PLEKHA6: variants seen among roughly 807,000 people sequenced by gnomAD.
PLEKHA6 encodes pleckstrin homology domain containing A6, also known as pleckstrin homology domain-containing family A member 6.
Under a neutral mutation model 116.7 loss-of-function variants are expected in PLEKHA6, and 60 were observed. The ratio of observed to expected loss-of-function variants is 0.51; its 90% CI spans 0.42 to 0.64. The LOEUF (loss-of-function observed/expected upper bound fraction) is 0.64. Ranked by LOEUF, PLEKHA6 falls within the 30% of genes least tolerant of loss-of-function variation. The pLI is 0.00. For synonymous variants in PLEKHA6, 489 were observed against 556.1 expected, an observed-to-expected ratio of 0.88 and a Z score of 1.70; for missense variants, 1,338 against 1,422.7, an observed-to-expected ratio of 0.94 and a Z score of 0.96.
At chr1:204,323,610 C>T (rs1186057157) in intron 1 of PLEKHA6, among the ~76,000 whole-genome samples, 1 of 152,224 alleles carries the variant, frequency 6.6e-6, no homozygotes, top group Non-Finnish European at 1.5e-5. Flanking sequence ...GCTTGTGTAA[C>T]TGGAAAGCTT....
chr1:204,244,847 T>C lies in PLEKHA6; in HGVS notation c.2172+17A>G. 6.4e-7 allele frequency: 1 copy of C among 1,553,514 alleles called. No individual in the cohort carries two copies. On this transcript the variant is annotated intron_variant, in intron 15 of 22. Transcript: ENST00000272203. ...CCTCCCTCCCCCACCTACCTTCTACTCCATTTCTCAACTTACCTCGTTGGA... is the reference window on the plus strand; with the variant it reads ...CCTCCCTCCCCCACCTACCTTCTACCCCATTTCTCAACTTACCTCGTTGGA...
At chr1:204,248,432 G>A (rs1664081178) in intron 12 of PLEKHA6, among the ~76,000 whole-genome samples, 2 of 152,140 alleles carry the variant, frequency 1.3e-5, no homozygotes, top group Non-Finnish European at 2.9e-5. Context: ...GGGATTATAG[G>A]CGTGAGCCAC....
intron 1 of PLEKHA6, among the ~76,000 whole-genome samples, chr1:204,310,852 G>A (rs1465968629): frequency 6.6e-6 from 1 of 152,182 alleles, no homozygotes; most frequent in Non-Finnish European, 1.5e-5. Flanking sequence ...TCATAGTAAA[G>A]GACATTTAGG....
At chr1:204,343,954 G>A (rs1361497863) in intron 1 of PLEKHA6, among the ~76,000 whole-genome samples, 1 of 152,158 alleles carries the variant, frequency 6.6e-6, no homozygotes, top group African/African-American at 2.4e-5. Flanking sequence ...CCTGATTTTG[G>A]TGTGTGTGAT....
chr1:204,367,633 C>T (rs964335332), intron 3 of PLEKHA6, among the ~76,000 whole-genome samples: 2 of 152,176 alleles, frequency 1.3e-5, no homozygotes, highest in Non-Finnish European at 2.9e-5. Flanking sequence ...CTGATACATA[C>T]GTTCCCATCT....
At chr1:204,282,389 C>T (rs1007493743) in intron 1 of PLEKHA6, among the ~76,000 whole-genome samples, 2 of 152,154 alleles carry the variant, frequency 1.3e-5, no homozygotes, top group African/African-American at 2.4e-5. Context: ...GAGTAGATAG[C>T]ATAACTCTGC....
At chr1:204,293,202 T>G (rs1011866948) in intron 1 of PLEKHA6, among the ~76,000 whole-genome samples, 28 of 152,322 alleles carry the variant, frequency 1.8e-4, no homozygotes, top group Admixed American at 1.4e-3. Context: ...TGGCGCGATC[T>G]TGGCTCATTG....
chr1:204,256,653 A>T lies in PLEKHA6; in HGVS notation c.1524+700T>A. Reference sequence around the variant, plus strand: ...TACTGGGGCTAGAGTCCTGGCTGGGAGGGAGGAGGTATCCAGAGGCTGCTA... The same window carrying T: ...TACTGGGGCTAGAGTCCTGGCTGGGTGGGAGGAGGTATCCAGAGGCTGCTA... On this transcript the variant is annotated intron_variant, in intron 9 of 22. Transcript: ENST00000272203. 5 of 420,552 alleles carry T rather than the reference A, an allele frequency of 1.2e-5. No homozygotes were observed. In the Admixed American group the frequency reaches 1.7e-4, roughly 14 times the overall value. The allele number at this position is 420,552 out of a possible 1,614,324, so 26.1% of individuals were successfully genotyped here. A position where few individuals can be genotyped will look rare whatever the true frequency, so the allele number is the denominator to read the frequency against.
chr1:204,264,108 G>A (rs2102814792), intron 6 of PLEKHA6, among the ~76,000 whole-genome samples: 1 of 152,282 alleles, frequency 6.6e-6, no homozygotes, highest in East Asian at 1.9e-4. Context: ...GACAGCAATT[G>A]TCAATTAGGG....
At chr1:204,321,498 C>T (rs940627942) in intron 1 of PLEKHA6, among the ~76,000 whole-genome samples, 7 of 151,334 alleles carry the variant, frequency 4.6e-5, no homozygotes, top group South Asian at 2.1e-4. Context: ...CTAGTTCCGG[C>T]GCCCATGCTT....
chr1:204,373,446 C>G (rs191462790), intron 1 of PLEKHA6, among the ~76,000 whole-genome samples: 1 of 152,236 alleles, frequency 6.6e-6, no homozygotes, highest in Admixed American at 6.5e-5. Flanking sequence ...TTACAAACTC[C>G]TGACCTCAAG....
Position 204,229,116 on chromosome 1 carries a change from C to G in PLEKHA6, c.2584-12G>C, listed in dbSNP as rs1405240267. The G allele has an allele frequency of 1.2e-6, 2 of 1,608,910 alleles. No individual in the cohort carries two copies. Among genetic ancestry groups the G allele is most frequent in the East Asian group, 4.5e-5 (2 of 44,860 alleles). ...CGGTGGCGGCGCACCTAGGGGACAG[C>G]AGCATCGTGATTGCACCATGGCTAC... On this transcript the variant is annotated splice_polypyrimidine_tract_variant and intron_variant, in intron 18 of 22. Coordinates refer to ENST00000272203, the MANE Select transcript of PLEKHA6 (RefSeq NM_014935.5).
At chr1:204,247,270 G>A (rs997868878) in intron 13 of PLEKHA6, 95 bp downstream of exon 13, 13 of 724,524 alleles carry the variant, frequency 1.8e-5, no homozygotes, top group Non-Finnish European at 2.7e-5. Flanking sequence ...CTTAGAGTCT[G>A]TTATCAATGG....
rs567378308 is a variant in PLEKHA6 at position 204,330,496 on chromosome 1, G to C, written c.-95+29198C>G. Among the ~76,000 whole-genome samples the C allele has an allele frequency of 3.3e-5, 5 of 152,300 alleles. No homozygotes were observed. The East Asian group carries it at 9.6e-4, about 29-fold the overall frequency. ...TGTATGCTTGATTCTCTAATAAAAA[G>C]CTTTAAAAATATAAATCAGACCCTA... On this transcript the variant is annotated intron_variant, in intron 1 of 22. Coordinates refer to ENST00000272203, the MANE Select transcript of PLEKHA6 (RefSeq NM_014935.5).
At chr1:204,301,581 G>A in intron 1 of PLEKHA6, 1 of 465,928 alleles carries the variant, frequency 2.1e-6, no homozygotes, top group Non-Finnish European at 2.8e-6. Context: ...ACTCCCTAGG[G>A]CCATTCCCAG....
Position 204,297,965 on chromosome 1 carries a change from T to A in PLEKHA6, c.-94-23156A>T. 3.3e-6 allele frequency: 3 copies of A among 910,906 alleles called. No homozygotes were observed. The African/African-American group carries it at 5.4e-5, about 16-fold the overall frequency. 56.4% of individuals were successfully genotyped at this position (910,906 alleles called of 1,614,324 possible). A position where few individuals can be genotyped will look rare whatever the true frequency, so the allele number is the denominator to read the frequency against. ...ACTCCTCATATCTCTCCCCATTGAC[T>A]TGCCTGAACCTCCACACCTTTCTCA... On this transcript the variant is annotated intron_variant, in intron 1 of 22. Transcript: ENST00000272203.
Position 204,257,838 on chromosome 1 carries a change from C to T in PLEKHA6, c.1039G>A (p.Val347Ile), listed in dbSNP as rs758374868. The T allele has an allele frequency of 1.9e-6, 3 of 1,613,306 alleles. No homozygotes were observed. Among genetic ancestry groups the T allele is most frequent in the Non-Finnish European group, 8.5e-7 (1 of 1,179,552 alleles). ...PSRFYPVSRR[V>I]PEYYGPYSSQ... ...GAGTAGGGGCCATAGTACTCAGGGA[C>T]CCTGCGAGACACAGGATAGAACCTA... Residue 347 changes from valine to isoleucine, a missense_variant, in exon 9 of 23, where the codon GTC becomes ATC. Val to Ile is a conservative substitution (Grantham distance 29). Coordinates refer to ENST00000272203, the MANE Select transcript of PLEKHA6 (RefSeq NM_014935.5). The surrounding 1 kb of genome is among the most constrained non-coding windows in gnomAD (Gnocchi z 6.5).
chr1:204,224,355 T>C (rs547799047), intron 21 of PLEKHA6, among the ~76,000 whole-genome samples: 2 of 152,138 alleles, frequency 1.3e-5, no homozygotes, highest in South Asian at 2.1e-4. Flanking sequence ...CCCTTATGCA[T>C]CCTCACTGTA....
intron 15 of PLEKHA6, 129 bp downstream of exon 15, chr1:204,244,735 A>G (rs1347174671): frequency 4.6e-6 from 3 of 655,580 alleles, no homozygotes; most frequent in Admixed American, 7.6e-5. Flanking sequence ...ACCTCCTTAA[A>G]CAAAGAGCTC....
Sources: gnomAD v4.1 joint callset for allele counts (sites outside exome capture counted in the v4.1 genomes callset) on GRCh38, gnomAD v4.1.1 for gene constraint, Gnocchi (gnomAD v3.1) non-coding constraint, MANE v1.5 for transcripts, NCBI Gene and HGNC (gene_info 2026-07-23, HGNC 2026-07-21) for gene names.